SLIT3: variants seen among roughly 807,000 people sequenced by gnomAD.
SLIT3 encodes slit homolog 3 protein.
In SLIT3, 68 loss-of-function variants were observed where a neutral mutation model predicts 184.0. The ratio of observed to expected loss-of-function variants is 0.37; its 90% CI spans 0.30 to 0.45. SLIT3 has a LOEUF of 0.45. Ranked by LOEUF, SLIT3 falls within the 20% of genes least tolerant of loss-of-function variation. The pLI, the probability that SLIT3 is intolerant of heterozygous loss-of-function variation, is 1.00. For missense variants in SLIT3, 1,707 were observed against 2,026.0 expected, an observed-to-expected ratio of 0.84 and a Z score of 3.02; for synonymous variants, 831 against 828.6, an observed-to-expected ratio of 1.00 and a Z score of -0.05.
chr5:169,149,580 G>C (rs541982549), intron 4 of SLIT3, among the ~76,000 whole-genome samples: 1 of 152,314 alleles, frequency 6.6e-6, no homozygotes, highest in South Asian at 2.1e-4. Context: ...AGGGGCCACC[G>C]TTTACCTACT....
intron 4 of SLIT3, among the ~76,000 whole-genome samples, chr5:168,902,000 C>T (rs1390538824): frequency 2.0e-5 from 3 of 152,192 alleles, no homozygotes; most frequent in African/African-American, 7.2e-5. Flanking sequence ...CTCCCAGGTT[C>T]AAGTGATTCT....
intron 6 of SLIT3, among the ~76,000 whole-genome samples, chr5:168,823,635 C>T (rs1311204289): frequency 1.3e-5 from 2 of 152,210 alleles, no homozygotes; most frequent in Non-Finnish European, 2.9e-5. Context: ...ATTATAACAT[C>T]TCTAATTCTT....
intron 4 of SLIT3, among the ~76,000 whole-genome samples, chr5:168,917,814 C>T (rs576882970): frequency 1.3e-5 from 2 of 152,144 alleles, no homozygotes; most frequent in Non-Finnish European, 2.9e-5. Flanking sequence ...TCTTTTTTCC[C>T]CAGGCTGAAA....
At chr5:169,062,812 A>G (rs974761534) in intron 4 of SLIT3, among the ~76,000 whole-genome samples, 9 of 152,034 alleles carry the variant, frequency 5.9e-5, no homozygotes, top group African/African-American at 1.9e-4. Context: ...TTCCCCCTTC[A>G]TGTTCCTTCC....
chr5:169,243,695 C>T (rs1437990626), intron 3 of SLIT3, among the ~76,000 whole-genome samples: 1 of 152,238 alleles, frequency 6.6e-6, no homozygotes, highest in Non-Finnish European at 1.5e-5. Flanking sequence ...AGCACACCAC[C>T]TTACCCAAGC....
intron 4 of SLIT3, among the ~76,000 whole-genome samples, chr5:169,170,078 C>T (rs1202743492): frequency 1.3e-5 from 2 of 152,172 alleles, no homozygotes; most frequent in Admixed American, 6.5e-5. Context: ...CCTGACTGCA[C>T]TCGGATGAGG....
chr5:168,844,734 T>C (rs1237755313), intron 5 of SLIT3, 79 bp from the exon 6 acceptor site: 22 of 1,346,494 alleles, frequency 1.6e-5, no homozygotes, highest in Non-Finnish European at 2.2e-5. Flanking sequence ...CCCGAGCGCC[T>C]GTCCCTCCAC....
At chr5:169,126,688 G>T (rs920704966) in intron 4 of SLIT3, among the ~76,000 whole-genome samples, 7 of 152,218 alleles carry the variant, frequency 4.6e-5, no homozygotes, top group African/African-American at 1.4e-4. Context: ...GGTGCAAGGG[G>T]CAATGCTGGA....
intron 4 of SLIT3, among the ~76,000 whole-genome samples, chr5:169,064,817 T>C (rs1174379891): frequency 6.6e-6 from 1 of 152,178 alleles, no homozygotes; most frequent in Admixed American, 6.5e-5. Flanking sequence ...TCATATAGAC[T>C]CCCAGAACGT....
chr5:168,907,973 TATATATAGAGAG>T (rs1456795229), intron 4 of SLIT3, among the ~76,000 whole-genome samples: 1 of 66,790 alleles, frequency 1.5e-5, no homozygotes, highest in Non-Finnish European at 2.7e-5. Flanking sequence ...TATATATATA[TATATATAGAGAG>T]AGAGAGAGAG....
chr5:168,808,571 G>A (rs1032163014), intron 8 of SLIT3, among the ~76,000 whole-genome samples: 1 of 152,150 alleles, frequency 6.6e-6, no homozygotes, highest in Non-Finnish European at 1.5e-5. Context: ...TTATTATTGG[G>A]CCTGCTCTGC....
intron 8 of SLIT3, among the ~76,000 whole-genome samples, chr5:168,809,446 G>A (rs1480141247): frequency 6.6e-6 from 1 of 152,184 alleles, no homozygotes; most frequent in East Asian, 1.9e-4. Flanking sequence ...ACATGGTGAG[G>A]ACGTTACCTT....
At chr5:168,958,357 A>G (rs1404050045) in intron 4 of SLIT3, among the ~76,000 whole-genome samples, 3 of 152,208 alleles carry the variant, frequency 2.0e-5, no homozygotes, top group Non-Finnish European at 4.4e-5. Flanking sequence ...TTTGTATTTT[A>G]AAGATATATT....
rs147186463 is a variant in SLIT3 at position 169,195,579 on chromosome 5, T to C, written c.342-2029A>G. Among the ~76,000 whole-genome samples, 528 of 152,322 alleles carry C rather than the reference T, an allele frequency of 3.5e-3. 4 individuals are homozygous for C. Among genetic ancestry groups the C allele is most frequent in the Middle Eastern group, 0.014 (4 of 294 alleles). On this transcript the variant is annotated intron_variant, in intron 3 of 35. Coordinates refer to ENST00000519560, the MANE Select transcript of SLIT3 (RefSeq NM_003062.4). ...TCTCGCTATGTTGCCCAGGCTGGAG[T>C]GCAATGGTGCAATCTCGGCTCGCTG... is the stretch of plus-strand genomic sequence containing the variant.
chr5:169,173,215 C>G (rs142393717), intron 4 of SLIT3, among the ~76,000 whole-genome samples: 1 of 152,076 alleles, frequency 6.6e-6, no homozygotes, highest in Admixed American at 6.5e-5. Context: ...GAGCCAAGAT[C>G]GCGTCTTTGC....
At chr5:169,170,987 CAG>C (rs1762800224) in intron 4 of SLIT3, among the ~76,000 whole-genome samples, 1 of 152,126 alleles carries the variant, frequency 6.6e-6, no homozygotes, top group South Asian at 2.1e-4. Context: ...AAGGCAGAAA[CAG>C]AGGGAACATC....
chr5:169,265,728 A>T (rs1214049663), intron 1 of SLIT3, among the ~76,000 whole-genome samples: 1 of 152,240 alleles, frequency 6.6e-6, no homozygotes, highest in East Asian at 1.9e-4. Context: ...TGATACGTAT[A>T]AAGTGATTCT....
intron 3 of SLIT3, among the ~76,000 whole-genome samples, chr5:169,226,059 C>G (rs533960268): frequency 6.6e-6 from 1 of 152,064 alleles, no homozygotes; most frequent in Non-Finnish European, 1.5e-5. Context: ...AAAGGCCAAC[C>G]GTAGAAGGCA....
intron 5 of SLIT3, among the ~76,000 whole-genome samples, chr5:168,858,996 C>T (rs911203388): frequency 6.6e-6 from 1 of 152,114 alleles, no homozygotes; most frequent in Admixed American, 6.5e-5. Flanking sequence ...GACACATAGT[C>T]CTGCAACATG....
Sources: gnomAD v4.1 joint callset for allele counts (sites outside exome capture counted in the v4.1 genomes callset) on GRCh38, gnomAD v4.1.1 for gene constraint, MANE v1.5 for transcripts, NCBI Gene and HGNC (gene_info 2026-07-23, HGNC 2026-07-21) for gene names.